The following CNTN5 variants were observed in gnomAD, a reference collection of about 807,000 sequenced individuals.
CNTN5 encodes contactin-5.
In CNTN5, 77 loss-of-function variants were observed where a neutral mutation model predicts 129.1. The ratio of observed to expected loss-of-function variants is 0.60; its 90% CI spans 0.50 to 0.72. The LOEUF (loss-of-function observed/expected upper bound fraction) is 0.72. Among genes scored for constraint, CNTN5 ranks in the 30% least tolerant of loss-of-function variants. The probability of loss-of-function intolerance (pLI) is 0.00; values close to 1 mark genes in which losing one functional copy is unlikely to be tolerated. For missense variants in CNTN5, 1,478 were observed against 1,328.8 expected (o/e 1.11, Z -1.75); for synonymous variants, 509 against 465.6 (o/e 1.09, Z -1.20).
At chr11:99,828,795 T>C (rs1947048428) in intron 4 of CNTN5, among the ~76,000 whole-genome samples, 1 of 152,308 alleles carries the variant, frequency 6.6e-6, no homozygotes, top group African/African-American at 2.4e-5. Flanking sequence ...AGTGGTCATG[T>C]TGATGATGTA....
At chr11:99,925,306 A>T (rs564956842) in intron 7 of CNTN5, among the ~76,000 whole-genome samples, 1 of 152,288 alleles carries the variant, frequency 6.6e-6, no homozygotes, top group South Asian at 2.1e-4. Context: ...TGCAGACTAA[A>T]CTTATTTTAT....
chr11:99,856,808 G>A (rs1700886694), intron 6 of CNTN5, among the ~76,000 whole-genome samples: 2 of 151,998 alleles, frequency 1.3e-5, no homozygotes, highest in South Asian at 4.1e-4. Flanking sequence ...TTTATTATTT[G>A]GACTCTGTCA....
At position 99,946,036 on chromosome 11, in the gene CNTN5, A is replaced by G. The variant is rs370092499; in HGVS notation, c.674-10770A>G. ...TAGATTTTTCTTGATTTCCAGTTTAACAGTTTGTGTGCAGTCACAATTTCT... is the reference window on the plus strand; with the variant it reads ...TAGATTTTTCTTGATTTCCAGTTTAGCAGTTTGTGTGCAGTCACAATTTCT... On this transcript the variant is annotated intron_variant, in intron 7 of 24. Coordinates refer to ENST00000524871, the MANE Select transcript of CNTN5 (RefSeq NM_014361.4). Among the ~76,000 whole-genome samples, 4 of 152,232 alleles carry G rather than the reference A, an allele frequency of 2.6e-5. No individual in the cohort carries two copies. In the East Asian group the frequency reaches 5.8e-4, roughly 22 times the overall value.
At chr11:99,676,670 C>G (rs964454303) in intron 3 of CNTN5, among the ~76,000 whole-genome samples, 9 of 152,038 alleles carry the variant, frequency 5.9e-5, no homozygotes, top group African/African-American at 2.2e-4. Context: ...TTAAGAAAAA[C>G]ATATGTAACA....
intron 3 of CNTN5, among the ~76,000 whole-genome samples, chr11:99,647,494 T>G (rs1039779114): frequency 2.6e-5 from 4 of 152,064 alleles, no homozygotes; most frequent in Non-Finnish European, 5.9e-5. Context: ...CTTGTTCTTT[T>G]TGCTCAGTAT....
chr11:99,213,331 T>C (rs1361168197), intron 1 of CNTN5, among the ~76,000 whole-genome samples: 1 of 143,448 alleles, frequency 7.0e-6, no homozygotes, highest in East Asian at 2.0e-4. Flanking sequence ...TATATAAATA[T>C]ATACATATAT....
intron 3 of CNTN5, among the ~76,000 whole-genome samples, chr11:99,572,380 C>A (rs1242476719): frequency 6.6e-6 from 1 of 152,188 alleles, no homozygotes; most frequent in Non-Finnish European, 1.5e-5. Context: ...CTAGATGCAG[C>A]CTGCTGGCCA....
intron 1 of CNTN5, among the ~76,000 whole-genome samples, chr11:99,274,191 T>A (rs916537937): frequency 2.6e-5 from 4 of 151,734 alleles, no homozygotes; most frequent in Non-Finnish European, 5.9e-5. Flanking sequence ...TGGGGCTTAA[T>A]AGTTTAGGAG....
At chr11:99,788,014 C>A (rs1945598067) in intron 3 of CNTN5, among the ~76,000 whole-genome samples, 1 of 151,896 alleles carries the variant, frequency 6.6e-6, no homozygotes, top group African/African-American at 2.4e-5. Context: ...AAAATCCTAA[C>A]ATGACTTGAT....
intron 13 of CNTN5, among the ~76,000 whole-genome samples, chr11:100,095,908 A>G (rs922473684): frequency 3.3e-5 from 5 of 152,066 alleles, no homozygotes; most frequent in African/African-American, 1.2e-4. Context: ...TCCAGTTATA[A>G]TAAGTGTTTT....
At chr11:100,231,209 G>A (rs187016249) in intron 16 of CNTN5, among the ~76,000 whole-genome samples, 2 of 152,304 alleles carry the variant, frequency 1.3e-5, no homozygotes, top group Admixed American at 6.5e-5. Flanking sequence ...CAGCAGGAAA[G>A]GGACAGGATA....
At chr11:99,861,156 A>T (rs747481875) in intron 6 of CNTN5, among the ~76,000 whole-genome samples, 32 of 151,728 alleles carry the variant, frequency 2.1e-4, no homozygotes, top group Non-Finnish European at 3.4e-4. Context: ...ACAGGGTTCC[A>T]CTGTATTAGC....
chr11:99,258,608 T>C (rs187395178), intron 1 of CNTN5, among the ~76,000 whole-genome samples: 8 of 152,184 alleles, frequency 5.3e-5, no homozygotes, highest in African/African-American at 1.9e-4. Context: ...AGATAATAAT[T>C]AAAATTCAGC....
chr11:99,367,980 A>G (rs1000771568), intron 2 of CNTN5, among the ~76,000 whole-genome samples: 1 of 152,146 alleles, frequency 6.6e-6, no homozygotes, highest in Admixed American at 6.6e-5. Context: ...TTTTCTGAAT[A>G]CCTCTGTTAA....
chr11:99,679,276 A>G, intron 3 of CNTN5, among the ~76,000 whole-genome samples: 1 of 151,090 alleles, frequency 6.6e-6, no homozygotes, highest in East Asian at 1.9e-4. Flanking sequence ...AAAACTAGAG[A>G]CAAGCCTCAT....
chr11:100,343,845 A>C (rs1952220395), intron 23 of CNTN5, among the ~76,000 whole-genome samples: 1 of 152,208 alleles, frequency 6.6e-6, no homozygotes, highest in South Asian at 2.1e-4. Flanking sequence ...CAAGAGTGGC[A>C]CCACTATAAT....
At chr11:99,878,841 G>T (rs367750841) in intron 6 of CNTN5, among the ~76,000 whole-genome samples, 1 of 152,096 alleles carries the variant, frequency 6.6e-6, no homozygotes, top group Non-Finnish European at 1.5e-5. Flanking sequence ...GCGACAGAGC[G>T]AGACTCCGTC....
At chr11:99,801,358 T>C (rs1351363683) in intron 3 of CNTN5, among the ~76,000 whole-genome samples, 1 of 152,194 alleles carries the variant, frequency 6.6e-6, no homozygotes, top group Non-Finnish European at 1.5e-5. Flanking sequence ...CTAGCTGCCT[T>C]TAATTTTTTT....
chr11:99,899,939 A>G (rs970258923), intron 6 of CNTN5, among the ~76,000 whole-genome samples: 10 of 151,640 alleles, frequency 6.6e-5, no homozygotes, highest in African/African-American at 2.2e-4. Context: ...CAGGGTTTCT[A>G]TTTCTTCCTA....
Sources: gnomAD v4.1 joint callset for allele counts (sites outside exome capture counted in the v4.1 genomes callset) on GRCh38, gnomAD v4.1.1 for gene constraint, MANE v1.5 for transcripts, NCBI Gene and HGNC (gene_info 2026-07-23, HGNC 2026-07-21) for gene names.